The following HECTD2 variants were observed in gnomAD, a reference collection of about 807,000 sequenced individuals.
HECTD2 encodes the protein HECT domain E3 ubiquitin protein ligase 2.
In HECTD2, 35 loss-of-function variants were observed where a neutral mutation model predicts 103.2. The observed-to-expected ratio is 0.34, with a 90% CI of 0.26 to 0.45. The LOEUF is 0.45. Among genes scored for constraint, HECTD2 ranks in the 20% least tolerant of loss-of-function variants. The pLI is 1.00. For missense variants in HECTD2, 596 were observed against 937.4 expected, an observed-to-expected ratio of 0.64 and a Z score of 4.76; for synonymous variants, 281 against 329.9, an observed-to-expected ratio of 0.85 and a Z score of 1.61.
chr10:91,475,666 G>A (rs1845874930), intron 5 of HECTD2, among the ~76,000 whole-genome samples: 1 of 152,186 alleles, frequency 6.6e-6, no homozygotes, highest in South Asian at 2.1e-4. Flanking sequence ...CTAGAAGATG[G>A]CCCAAACGAG....
At chr10:91,505,724 A>G (rs1847132790) in intron 20 of HECTD2, among the ~76,000 whole-genome samples, 1 of 151,896 alleles carries the variant, frequency 6.6e-6, no homozygotes, top group African/African-American at 2.4e-5. Flanking sequence ...CGAGACAGAA[A>G]GTCAACAAGG....
intron 1 of HECTD2, among the ~76,000 whole-genome samples, chr10:91,418,859 A>G (rs1379571305): frequency 6.6e-6 from 1 of 152,176 alleles, no homozygotes; most frequent in Non-Finnish European, 1.5e-5. Context: ...AAACCTATAA[A>G]TATATGTTTA....
chr10:91,453,134 T>C (rs1359753418), intron 2 of HECTD2, among the ~76,000 whole-genome samples: 2 of 152,030 alleles, frequency 1.3e-5, no homozygotes, highest in East Asian at 1.9e-4. Flanking sequence ...GTAAAGGAAA[T>C]ACTTAAGAAA....
intron 2 of HECTD2, among the ~76,000 whole-genome samples, chr10:91,452,837 A>G (rs1409973771): frequency 6.6e-6 from 1 of 152,136 alleles, no homozygotes. Flanking sequence ...AGAATCCTAT[A>G]CCTGATGAAA....
intron 6 of HECTD2, among the ~76,000 whole-genome samples, chr10:91,480,849 T>G (rs1401206580): frequency 6.6e-6 from 1 of 152,008 alleles, no homozygotes; most frequent in African/African-American, 2.4e-5. Flanking sequence ...TTAATCATAT[T>G]TACCTCACAA....
chr10:91,507,188 G>T (rs1274202039), intron 20 of HECTD2, among the ~76,000 whole-genome samples: 3 of 150,422 alleles, frequency 2.0e-5, no homozygotes, highest in Non-Finnish European at 4.5e-5. Context: ...GGCAAAAACT[G>T]GAAGCATTCC....
chr10:91,511,686 G>C (rs1186604041), intron 20 of HECTD2, among the ~76,000 whole-genome samples: 1 of 152,080 alleles, frequency 6.6e-6, no homozygotes, highest in Non-Finnish European at 1.5e-5. Flanking sequence ...TAGGGTCCTT[G>C]TTCCTATGAG....
At chr10:91,465,074 TTAACTTTTAG>T (rs1321374676) in intron 5 of HECTD2, among the ~76,000 whole-genome samples, 10 of 152,230 alleles carry the variant, frequency 6.6e-5, no homozygotes, top group African/African-American at 2.4e-4. Flanking sequence ...AAACAAATCT[TTAACTTTTAG>T]TAGTTTGGGT....
intron 11 of HECTD2, among the ~76,000 whole-genome samples, chr10:91,490,885 C>G (rs1278668684): frequency 9.7e-6 from 1 of 103,140 alleles, no homozygotes; most frequent in Non-Finnish European, 1.8e-5. Flanking sequence ...AGTGAGACTC[C>G]GTCTCAAAAA....
chr10:91,503,683 G>A (rs895835051), intron 20 of HECTD2, among the ~76,000 whole-genome samples: 5 of 152,202 alleles, frequency 3.3e-5, no homozygotes, highest in African/African-American at 7.2e-5. Context: ...ACTGCAAGGC[G>A]GCAGCGAGGC....
At chr10:91,409,851 C>T (rs1314111254), upstream of HECTD2, among the ~76,000 whole-genome samples, 1 of 152,192 alleles carries the variant, frequency 6.6e-6, no homozygotes, top group Admixed American at 6.5e-5. Context: ...AGGCCACCAG[C>T]CCAGACCCCG....
chr10:91,493,796 A>T (rs7085276), intron 14 of HECTD2, among the ~76,000 whole-genome samples: 26,795 of 151,702 alleles, frequency 0.18, 5,256 homozygotes, highest in African/African-American at 0.49. Context: ...GGCATTTTTT[A>T]AAAAAAATCA....
At chr10:91,458,137 T>C (rs1845190866) in intron 2 of HECTD2, among the ~76,000 whole-genome samples, 1 of 151,810 alleles carries the variant, frequency 6.6e-6, no homozygotes, top group Non-Finnish European at 1.5e-5. Context: ...TATATTTCTT[T>C]ATGTTAACAG....
At chr10:91,492,725 T>A (rs777741222) in intron 13 of HECTD2, among the ~76,000 whole-genome samples, 8 of 152,176 alleles carry the variant, frequency 5.3e-5, no homozygotes, top group Non-Finnish European at 8.8e-5. Flanking sequence ...TAAACATTTA[T>A]GAGGAAACAT....
At chr10:91,512,033 A>G (rs576205361) in intron 20 of HECTD2, among the ~76,000 whole-genome samples, 1 of 152,314 alleles carries the variant, frequency 6.6e-6, no homozygotes, top group Non-Finnish European at 1.5e-5. Context: ...GTTTCATGAA[A>G]GTGGTAACAT....
chr10:91,510,097 A>C (rs1847362217), intron 20 of HECTD2, among the ~76,000 whole-genome samples: 1 of 152,230 alleles, frequency 6.6e-6, no homozygotes, highest in Non-Finnish European at 1.5e-5. Context: ...TCAATTTTAA[A>C]TTCATAGATA....
At chr10:91,452,068 CAGAA>C in intron 2 of HECTD2, among the ~76,000 whole-genome samples, 1 of 152,024 alleles carries the variant, frequency 6.6e-6, no homozygotes, top group South Asian at 2.1e-4. Flanking sequence ...AACTGGAAGA[CAGAA>C]CAATAGAAAT....
At chr10:91,439,789 G>T (rs1447575894) in intron 2 of HECTD2, among the ~76,000 whole-genome samples, 1 of 152,022 alleles carries the variant, frequency 6.6e-6, no homozygotes, top group Non-Finnish European at 1.5e-5. Context: ...CCTTGAAGAG[G>T]TCCTTCACAT....
chr10:91,475,727 C>T (rs1483232930), intron 5 of HECTD2, among the ~76,000 whole-genome samples: 1 of 152,160 alleles, frequency 6.6e-6, no homozygotes, highest in Non-Finnish European at 1.5e-5. Flanking sequence ...AGTAAACAGA[C>T]AACACACTCA....
Sources: gnomAD v4.1 joint callset for allele counts (sites outside exome capture counted in the v4.1 genomes callset) on GRCh38, gnomAD v4.1.1 for gene constraint, MANE v1.5 for transcripts, NCBI Gene and HGNC (gene_info 2026-07-23, HGNC 2026-07-21) for gene names.